The following MICALL1 variants were observed in gnomAD, a reference collection of about 807,000 sequenced individuals.
MICALL1 encodes MICAL-like protein 1.
Under a neutral mutation model 83.7 loss-of-function variants are expected in MICALL1, and 61 were observed. That is an observed-to-expected ratio of 0.73 (90% CI 0.59 to 0.90). The LOEUF (loss-of-function observed/expected upper bound fraction) is 0.90. MICALL1 is among the 40% of genes least tolerant of loss of function. The pLI, the probability that MICALL1 is intolerant of heterozygous loss-of-function variation, is 0.00. For missense variants in MICALL1, 1,066 were observed against 1,152.0 expected (o/e 0.93, Z 1.08); for synonymous variants, 481 against 473.6 (o/e 1.02, Z -0.20).
intron 3 of MICALL1, among the ~76,000 whole-genome samples, chr22:37,915,353 A>G (rs1928610596): frequency 6.6e-6 from 1 of 152,230 alleles, no homozygotes; most frequent in African/African-American, 2.4e-5. Context: ...TAGGGATTAA[A>G]ATAATTGAAC....
intron 1 of MICALL1, among the ~76,000 whole-genome samples, chr22:37,907,636 C>T (rs1928048088): frequency 6.6e-6 from 1 of 152,238 alleles, no homozygotes; most frequent in Admixed American, 6.5e-5. Context: ...TCCAGATTTG[C>T]ACTGTCCGAG....
intron 3 of MICALL1, 37 bp from the exon 4 acceptor site, chr22:37,917,670 C>T: frequency 6.2e-7 from 1 of 1,603,624 alleles, no homozygotes; most frequent in East Asian, 2.2e-5. Context: ...TCCAGGATCT[C>T]CACCTGCTTC....
chr22:37,920,960 C>T lies in MICALL1; in HGVS notation c.570-1012C>T, dbSNP rs564294184. On this transcript the variant is annotated intron_variant, in intron 5 of 15. Coordinates refer to ENST00000215957, the MANE Select transcript of MICALL1 (RefSeq NM_033386.4). Reference sequence around the variant, plus strand: ...AAAATTAGCCTAGTGTAGTGGCACGCACCTGTAGTCTTAGGCATTTGGGAG... The same window carrying T: ...AAAATTAGCCTAGTGTAGTGGCACGTACCTGTAGTCTTAGGCATTTGGGAG... Among the ~76,000 whole-genome samples the T allele has an allele frequency of 4.6e-5, 7 of 151,500 alleles. No homozygotes were observed. The East Asian group carries it at 1.4e-3, about 30-fold the overall frequency.
intron 1 of MICALL1, among the ~76,000 whole-genome samples, chr22:37,908,178 C>T (rs1298184679): frequency 2.6e-5 from 4 of 152,046 alleles, no homozygotes; most frequent in African/African-American, 9.7e-5. Context: ...CATCAGTGTC[C>T]TCATCTGTGA....
chr22:37,932,746 C>A lies in MICALL1; in HGVS notation c.2144-52C>A. The A allele has an allele frequency of 6.2e-7, 1 of 1,613,166 alleles. No homozygotes were observed. The highest frequency in any genetic ancestry group is 1.3e-5 in the African/African-American group (1 of 74,988). Reference sequence around the variant, plus strand: ...GCAGGAGCCTCTATTCCCCGGGGAACTGAGCCAGGCATGGCAGCCAGCCCT... The same window carrying A: ...GCAGGAGCCTCTATTCCCCGGGGAAATGAGCCAGGCATGGCAGCCAGCCCT... On this transcript the variant is annotated intron_variant, in intron 11 of 15. Transcript: ENST00000215957. The surrounding 1 kb of genome is among the most constrained non-coding windows in gnomAD (Gnocchi z 4.4).
intron 15 of MICALL1, among the ~76,000 whole-genome samples, chr22:37,938,396 A>G (rs957857084): frequency 1.4e-5 from 2 of 139,132 alleles, no homozygotes; most frequent in Non-Finnish European, 3.1e-5. Context: ...AGCGAGACTC[A>G]GTCTCAAAAA....
Position 37,932,809 on chromosome 22 carries a change from G to T in MICALL1, c.2155G>T (p.Asp719Tyr). The T allele has an allele frequency of 3.1e-6, 5 of 1,614,114 alleles. No individual in the cohort carries two copies. The highest frequency in any genetic ancestry group is 4.2e-6 in the Non-Finnish European group (5 of 1,180,016). Reference protein sequence around the residue: ...LRGGLNEGREDDMLVDWFKLI... With the variant: ...LRGGLNEGREYDMLVDWFKLI... ...TATCTGGCTTCCAGAGGGCCGTGAG[G>T]ATGACATGCTGGTGGACTGGTTCAA... Residue 719 changes from aspartate (D) to tyrosine (Y), a missense_variant, in exon 12 of 16, where the codon GAT becomes TAT. Physicochemically the swap from Asp to Tyr is radical, Grantham distance 160. Transcript: ENST00000215957. The surrounding 1 kb of genome is among the most constrained non-coding windows in gnomAD (Gnocchi z 4.4).
rs554838722 is a variant in MICALL1 at position 37,932,453 on chromosome 22, G to A, written c.2017-100G>A. The A allele has an allele frequency of 8.5e-6, 13 of 1,538,114 alleles. No homozygotes were observed. The Admixed American group carries it at 9.5e-5, about 11-fold the overall frequency. On this transcript the variant is annotated intron_variant, in intron 10 of 15. Transcript: ENST00000215957. The surrounding 1 kb of genome is among the most constrained non-coding windows in gnomAD (Gnocchi z 4.4). ...CATGCTGGGGTGGGGGACAGGGCCC[G>A]GGCCCTGGAGCCACCAGTGGCCAAT...
In MICALL1 at chr22:37,919,119, T is replaced by C; in HGVS notation, c.510T>C (p.His170=). Residue 170 remains histidine (H), a synonymous_variant, in exon 5 of 16, where the codon CAT becomes CAC. Transcript: ENST00000215957. ...PSSTCAACQQ[H]VHLVQRYLAD... is the part of the protein sequence containing the mutation. Reference sequence around the variant, plus strand: ...GCACGTGCGCAGCCTGCCAGCAGCATGTGCACTTGGTGCAGCGCTACCTGG... The same window carrying C: ...GCACGTGCGCAGCCTGCCAGCAGCACGTGCACTTGGTGCAGCGCTACCTGG... 1.9e-6 allele frequency: 3 copies of C among 1,551,742 alleles called. No individual in the cohort carries two copies. Among genetic ancestry groups the C allele is most frequent in the Non-Finnish European group, 2.6e-6 (3 of 1,147,474 alleles).
At position 37,937,109 on chromosome 22, in the gene MICALL1, C is replaced by A; in HGVS notation, c.2338C>A (p.Arg780=). ...EKDWTEEDRA[R]EKVLMQELVT... ...GGACTGGACGGAGGAGGACCGGGCC[C>A]GGGAGAAGGTGCTGATGCAGGAGCT... Residue 780 remains arginine, a synonymous_variant, in exon 14 of 16, where the codon CGG becomes AGG. Transcript: ENST00000215957. The A allele has an allele frequency of 6.4e-7, 1 of 1,551,408 alleles. No individual in the cohort carries two copies. The highest frequency in any genetic ancestry group is 8.7e-7 in the Non-Finnish European group (1 of 1,146,930).
Position 37,932,412 on chromosome 22 carries a change from G to A in MICALL1, c.2017-141G>A. The A allele has an allele frequency of 7.3e-7, 1 of 1,368,996 alleles. No individual in the cohort carries two copies. Among genetic ancestry groups the A allele is most frequent in the Non-Finnish European group, 9.9e-7 (1 of 1,011,136 alleles). The allele number at this position is 1,368,996 out of a possible 1,614,324, so 84.8% of individuals were successfully genotyped here. On this transcript the variant is annotated intron_variant, in intron 10 of 15. Transcript: ENST00000215957. The surrounding 1 kb of genome is among the most constrained non-coding windows in gnomAD (Gnocchi z 4.4). The stretch of plus-strand genomic sequence containing the variant: ...CCCACACTGGCCCCTTCCCCACTGG[G>A]ACCCTGCCTTCTTACCATGCTGGGG...
At chr22:37,936,316 T>C (rs1375437429) in intron 13 of MICALL1, among the ~76,000 whole-genome samples, 1 of 152,210 alleles carries the variant, frequency 6.6e-6, no homozygotes, top group East Asian at 1.9e-4. Context: ...TGTCCCAGTA[T>C]GTCACTTGGG....
chr22:37,906,623 C>A lies in MICALL1; in HGVS notation c.146+55C>A. The A allele has an allele frequency of 8.8e-7, 1 of 1,138,790 alleles. No individual in the cohort carries two copies. Among genetic ancestry groups the A allele is most frequent in the Non-Finnish European group, 1.1e-6 (1 of 925,050 alleles). 70.5% of individuals were successfully genotyped at this position (1,138,790 alleles called of 1,614,324 possible). A position where few individuals can be genotyped will look rare whatever the true frequency, so the allele number is the denominator to read the frequency against. On this transcript the variant is annotated intron_variant, in intron 1 of 15. Transcript: ENST00000215957. This position sits in a 1 kb window ranked among gnomAD's most constrained non-coding sequence, Gnocchi z 4.4. ...GCGCGGGGCGGGCTGGGGCCGCGACCGCCGCCCCCCCTCAGTAACACGAAG... is the reference window on the plus strand; with the variant it reads ...GCGCGGGGCGGGCTGGGGCCGCGACAGCCGCCCCCCCTCAGTAACACGAAG...
intron 5 of MICALL1, among the ~76,000 whole-genome samples, chr22:37,920,576 A>C (rs1928964965): frequency 6.6e-6 from 1 of 151,836 alleles, no homozygotes; most frequent in South Asian, 2.1e-4. Flanking sequence ...CCAGAGTTTA[A>C]GACTAGCCTG....
chr22:37,924,941 C>T lies in MICALL1; in HGVS notation c.1082+224C>T, dbSNP rs886485116. On this transcript the variant is annotated intron_variant, in intron 7 of 15. Coordinates refer to ENST00000215957, the MANE Select transcript of MICALL1 (RefSeq NM_033386.4). This position sits in a 1 kb window ranked among gnomAD's most constrained non-coding sequence, Gnocchi z 5.2. ...GGTCCCTGCTCCTGTGGGCAGTGCC[C>T]GGTGCAGGCAGCCACCTCTGGTACC... 2.0e-5 allele frequency among the ~76,000 whole-genome samples: 3 copies of T among 152,166 alleles called. No homozygotes were observed. Among genetic ancestry groups the T allele is most frequent in the African/African-American group, 4.8e-5 (2 of 41,436 alleles).
In MICALL1 at chr22:37,927,760, CTTG is replaced by C. The variant is rs751483044; in HGVS notation, c.1819_1821del (p.Leu607del). The C allele has an allele frequency of 5.0e-6, 8 of 1,613,790 alleles. No individual in the cohort carries two copies. The Admixed American group carries it at 1.3e-4, about 27-fold the overall frequency. On this transcript the variant is annotated inframe_deletion, in exon 9 of 16. Coordinates refer to ENST00000215957, the MANE Select transcript of MICALL1 (RefSeq NM_033386.4). ...GCAGTGGCGCCACCCCAACGCCTCT[CTTG>C]TTGGTTGGAGACAGGAGCCCGGTGC...
At chr22:37,940,420 C>CA (rs879790545) in intron 15 of MICALL1, among the ~76,000 whole-genome samples, 121 of 144,330 alleles carry the variant, frequency 8.4e-4, no homozygotes, top group African/African-American at 1.2e-3. Flanking sequence ...GACTCAGTCT[C>CA]AAAAAAAAAA....
intron 9 of MICALL1, among the ~76,000 whole-genome samples, chr22:37,928,555 T>C (rs1929619100): frequency 6.6e-6 from 1 of 152,204 alleles, no homozygotes; most frequent in Admixed American, 6.5e-5. Flanking sequence ...TGAGTGGCCT[T>C]GGCCAGTCTA....
At chr22:37,916,163 C>T (rs567813548) in intron 3 of MICALL1, among the ~76,000 whole-genome samples, 12 of 152,232 alleles carry the variant, frequency 7.9e-5, no homozygotes, top group African/African-American at 2.9e-4. Context: ...GCCTGGTGGG[C>T]AGGGGCAGCC....
Sources: gnomAD v4.1 joint callset for allele counts (sites outside exome capture counted in the v4.1 genomes callset) on GRCh38, gnomAD v4.1.1 for gene constraint, Gnocchi (gnomAD v3.1) non-coding constraint, MANE v1.5 for transcripts, NCBI Gene and HGNC (gene_info 2026-07-23, HGNC 2026-07-21) for gene names.